ATP9A: variants seen among roughly 807,000 people sequenced by gnomAD.
The protein encoded by ATP9A is ATPase phospholipid transporting 9A, also known as probable phospholipid-transporting ATPase IIA.
A neutral mutation model predicts 144.1 loss-of-function variants in ATP9A; 52 were observed. The ratio of observed to expected loss-of-function variants is 0.36; its 90% CI spans 0.29 to 0.45. The LOEUF is 0.45. Ranked by LOEUF, ATP9A falls within the 20% of genes least tolerant of loss-of-function variation. The pLI, the probability that ATP9A is intolerant of heterozygous loss-of-function variation, is 1.00. For missense variants in ATP9A, 947 were observed against 1,392.7 expected, an observed-to-expected ratio of 0.68 and a Z score of 5.09; for synonymous variants, 582 against 557.4, an observed-to-expected ratio of 1.04 and a Z score of -0.62.
At chr20:51,619,576 A>AG (rs61359027) in intron 19 of ATP9A, among the ~76,000 whole-genome samples, 2,681 of 86,340 alleles carry the variant, frequency 0.031, 36 homozygotes, top group Non-Finnish European at 0.049. Context: ...AAAAAAAAAA[A>AG]GGGGGGGGGG....
At chr20:51,629,245 A>C (rs2077261575) in intron 15 of ATP9A, among the ~76,000 whole-genome samples, 173 bp from the exon 16 acceptor site, 1 of 152,258 alleles carries the variant, frequency 6.6e-6, no homozygotes, top group Admixed American at 6.5e-5. Flanking sequence ...CAAAGGCTAC[A>C]GAAAGTAAAA....
intron 18 of ATP9A, among the ~76,000 whole-genome samples, chr20:51,624,209 G>A (rs1229118644): frequency 1.3e-5 from 2 of 152,212 alleles, no homozygotes; most frequent in Non-Finnish European, 2.9e-5. Context: ...AAACAGGCAC[G>A]CAGGGGTGGG....
intron 1 of ATP9A, among the ~76,000 whole-genome samples, chr20:51,730,325 G>T (rs533354362): frequency 8.5e-5 from 13 of 152,064 alleles, no homozygotes; most frequent in African/African-American, 3.1e-4. Flanking sequence ...AAAATTAGCC[G>T]GGCGTGTTGG....
chr20:51,609,005 A>G (rs567640504), intron 24 of ATP9A, among the ~76,000 whole-genome samples: 1 of 150,282 alleles, frequency 6.7e-6, no homozygotes, highest in Non-Finnish European at 1.5e-5. Context: ...ATTTGAGTGA[A>G]CACCCACAAA....
At chr20:51,678,134 C>CG (rs1173912260) in intron 9 of ATP9A, among the ~76,000 whole-genome samples, 1 of 31,196 alleles carries the variant, frequency 3.2e-5, no homozygotes, top group Non-Finnish European at 5.8e-5. Context: ...GGTGGCAGGG[C>CG]GGGGGGAAGG....
At chr20:51,739,227 A>G (rs1293713142) in intron 1 of ATP9A, among the ~76,000 whole-genome samples, 2 of 151,614 alleles carry the variant, frequency 1.3e-5, no homozygotes, top group Admixed American at 1.3e-4. Flanking sequence ...TCTGGACCCC[A>G]TTGTCCCCAA....
At chr20:51,624,271 T>C (rs1246624619) in intron 18 of ATP9A, among the ~76,000 whole-genome samples, 1 of 152,166 alleles carries the variant, frequency 6.6e-6, no homozygotes, top group East Asian at 1.9e-4. Flanking sequence ...CCTCCTGCCA[T>C]GGCCCTGCTG....
intron 1 of ATP9A, among the ~76,000 whole-genome samples, chr20:51,730,850 T>C (rs767683107): frequency 5.3e-5 from 8 of 152,152 alleles, no homozygotes; most frequent in Non-Finnish European, 1.0e-4. Flanking sequence ...GATATGTCAT[T>C]ATGTGGCAAA....
chr20:51,749,615 G>A (rs1332158506), intron 1 of ATP9A, among the ~76,000 whole-genome samples: 2 of 152,080 alleles, frequency 1.3e-5, no homozygotes, highest in East Asian at 1.9e-4. Flanking sequence ...ATTAATAATA[G>A]AATAAAAACA....
intron 9 of ATP9A, among the ~76,000 whole-genome samples, chr20:51,683,184 T>A (rs2077507848): frequency 6.6e-6 from 1 of 152,138 alleles, no homozygotes; most frequent in African/African-American, 2.4e-5. Flanking sequence ...ACCTCCAAGC[T>A]CAAGCAATCC....
chr20:51,636,652 G>C lies in ATP9A; in HGVS notation c.1668+2691C>G, dbSNP rs546149550. 5.9e-5 allele frequency among the ~76,000 whole-genome samples: 9 copies of C among 152,282 alleles called. No individual in the cohort carries two copies. In the South Asian group the frequency reaches 1.9e-3, roughly 32 times the overall value. On this transcript the variant is annotated intron_variant, in intron 15 of 27. Coordinates refer to ENST00000338821, the MANE Select transcript of ATP9A (RefSeq NM_006045.3). ...TGTGTGAACTTGGACAGGTTTCCCAGCTCCCCTCAATTCCAGCTGTGTGAA... is the reference window on the plus strand; with the variant it reads ...TGTGTGAACTTGGACAGGTTTCCCACCTCCCCTCAATTCCAGCTGTGTGAA...
At chr20:51,730,577 A>G (rs999251012) in intron 1 of ATP9A, among the ~76,000 whole-genome samples, 2 of 152,222 alleles carry the variant, frequency 1.3e-5, no homozygotes, top group African/African-American at 2.4e-5. Context: ...GCATTAGGCC[A>G]TTTCGGCACT....
At chr20:51,618,556 C>T in intron 21 of ATP9A, 106 bp downstream of exon 21, 2 of 1,448,666 alleles carry the variant, frequency 1.4e-6, no homozygotes, top group Non-Finnish European at 1.8e-6. Context: ...AACAAAGGGG[C>T]CTGGGGAATT....
chr20:51,748,944 T>TAGACAGAC (rs1161622264), intron 1 of ATP9A, among the ~76,000 whole-genome samples: 7,103 of 100,614 alleles, frequency 0.071, 190 homozygotes, highest in Middle Eastern at 0.098. Flanking sequence ...GATAGATAGA[T>TAGACAGAC]AGATAGACAG....
intron 1 of ATP9A, among the ~76,000 whole-genome samples, chr20:51,761,407 G>A (rs998753894): frequency 1.4e-4 from 22 of 152,136 alleles, no homozygotes; most frequent in African/African-American, 5.1e-4. Context: ...ACGACAATCC[G>A]TTCCCAGGGT....
chr20:51,639,892 C>A (rs2122747451), intron 14 of ATP9A, among the ~76,000 whole-genome samples: 1 of 152,240 alleles, frequency 6.6e-6, no homozygotes, highest in South Asian at 2.1e-4. Flanking sequence ...TCGAGACCAG[C>A]CTGGCCAATA....
At chr20:51,663,528 C>G (rs1449064551) in intron 13 of ATP9A, among the ~76,000 whole-genome samples, 1 of 152,170 alleles carries the variant, frequency 6.6e-6, no homozygotes, top group Non-Finnish European at 1.5e-5. Context: ...AACTCGGTGG[C>G]TCACACCTGT....
intron 3 of ATP9A, among the ~76,000 whole-genome samples, chr20:51,714,235 T>C (rs1221249088): frequency 2.0e-5 from 3 of 151,726 alleles, no homozygotes; most frequent in Admixed American, 2.0e-4. Flanking sequence ...CAGGCAGGAG[T>C]GCAGTAGCAT....
At chr20:51,745,910 A>C (rs1171083983) in intron 1 of ATP9A, among the ~76,000 whole-genome samples, 1 of 152,222 alleles carries the variant, frequency 6.6e-6, no homozygotes, top group African/African-American at 2.4e-5. Context: ...TTCACAAAGC[A>C]AAGACATGGA....
Sources: allele counts gnomAD v4.1 joint callset (sites outside exome capture counted in the v4.1 genomes callset), GRCh38; gene constraint gnomAD v4.1.1; transcripts MANE v1.5; gene names NCBI Gene and HGNC (gene_info 2026-07-23, HGNC 2026-07-21).